DEFB131A: variants seen among roughly 807,000 people sequenced by gnomAD.
DEFB131A encodes the protein defensin beta 131A, also known as beta-defensin 131A.
DEFB131A carries 5 observed loss-of-function variants against 2.4 expected under a neutral mutation model. The observed-to-expected ratio is 2.12, with a 90% confidence interval of 1.11 to 4.47. The LOEUF (loss-of-function observed/expected upper bound fraction) is 4.47, where lower values mean the gene tolerates loss of function less well. Ranked by LOEUF, DEFB131A falls within the 30% of genes most tolerant of loss-of-function variation. DEFB131A has a pLI of 0.00. For synonymous variants in DEFB131A, 34 were observed against 25.7 expected, an observed-to-expected ratio of 1.32 and a Z score of -0.97; for missense variants, 120 against 79.9, an observed-to-expected ratio of 1.50 and a Z score of -1.91.
At chr4:9,447,443 T>C (rs1487036302) in intron 1 of DEFB131A, among the ~76,000 whole-genome samples, 1 of 152,170 alleles carries the variant, frequency 6.6e-6, no homozygotes, top group East Asian at 1.9e-4. Flanking sequence ...ATAGGGTTAT[T>C]ATAATAAAGT....
At chr4:9,449,874 A>T (rs1159332046) in intron 1 of DEFB131A, among the ~76,000 whole-genome samples, 3 of 152,132 alleles carry the variant, frequency 2.0e-5, no homozygotes, top group Admixed American at 2.0e-4. Context: ...AAAACAGAGA[A>T]GCAACCAAAG....
chr4:9,448,868 G>A (rs1338272196), intron 1 of DEFB131A, among the ~76,000 whole-genome samples: 2 of 152,044 alleles, frequency 1.3e-5, no homozygotes, highest in East Asian at 1.9e-4. Flanking sequence ...GAAATAAATG[G>A]CATCCAAACA....
At chr4:9,445,055 G>A (rs1348337105) in intron 1 of DEFB131A, among the ~76,000 whole-genome samples, 1 of 152,058 alleles carries the variant, frequency 6.6e-6, no homozygotes, top group African/African-American at 2.4e-5. Context: ...ACACCAGCCT[G>A]GGCAACAGAG....
At chr4:9,446,012 C>A (rs1353440819) in intron 1 of DEFB131A, among the ~76,000 whole-genome samples, 5 of 152,024 alleles carry the variant, frequency 3.3e-5, no homozygotes, top group African/African-American at 1.2e-4. Context: ...TTCCTTCATT[C>A]AGTGGTCATC....
At position 9,444,603 on chromosome 4, in the gene DEFB131A, A is replaced by C. The variant is rs1315267972; in HGVS notation, c.58+12A>C. On this transcript the variant is annotated intron_variant, in intron 1 of 1. Coordinates refer to ENST00000334879, the MANE Select transcript of DEFB131A (RefSeq NM_001040448.3). ...CACAGTTCCTCCAGGTAAGACAGAA[A>C]CTTTTTTATTCCAAAGTTCTAAAAA... The C allele has an allele frequency of 3.7e-6, 6 of 1,604,270 alleles. No homozygotes were observed. The highest frequency in any genetic ancestry group is 5.1e-6 in the Non-Finnish European group (6 of 1,177,376).
rs114819981 is a variant in DEFB131A, at chr4:9,446,392, A to G, written c.58+1801A>G. Among the ~76,000 whole-genome samples, 1,013 of 152,228 alleles carry G rather than the reference A, an allele frequency of 6.7e-3. 16 individuals are homozygous for G. Among genetic ancestry groups the G allele is most frequent in the African/African-American group, 0.023 (958 of 41,562 alleles). ...TGGATTATTTAGCATATGGTTGTTT[A>G]TAACAGACTAATGATCCATTGTATT... On this transcript the variant is annotated intron_variant, in intron 1 of 1. Transcript: ENST00000334879.
intron 1 of DEFB131A, among the ~76,000 whole-genome samples, chr4:9,448,385 G>T (rs1270647483): frequency 6.6e-6 from 1 of 151,848 alleles, no homozygotes; most frequent in African/African-American, 2.4e-5. Flanking sequence ...GTCTCACTTT[G>T]TCACCCAGGC....
intron 1 of DEFB131A, among the ~76,000 whole-genome samples, chr4:9,447,018 C>T (rs13104015): frequency 0.63 from 96,194 of 151,630 alleles, 32,230 homozygotes; most frequent in Non-Finnish European, 0.77. Context: ...ATGGTCCAGC[C>T]TGGAGAATGT....
rs1202995250 is a variant in DEFB131A, at chr4:9,450,418, G to C, written c.117G>C (p.Lys39Asn). The part of the protein sequence containing the change: ...CPSEYYHCRL[K>N]CNADEHAIRY... ...CAGAATATTATCATTGCAGACTGAA[G>C]TGCAATGCTGATGAACATGCAATTA... Residue 39 changes from lysine (K) to asparagine (N), a missense_variant, in exon 2 of 2, where the codon AAG becomes AAC. Lys to Asn is a moderately conservative substitution (Grantham distance 94). Coordinates refer to ENST00000334879, the MANE Select transcript of DEFB131A (RefSeq NM_001040448.3). The C allele has an allele frequency of 1.2e-6, 2 of 1,608,954 alleles. No homozygotes were observed. Among genetic ancestry groups the C allele is most frequent in the East Asian group, 4.5e-5 (2 of 44,808 alleles).
chr4:9,445,148 A>G (rs6857540), intron 1 of DEFB131A, among the ~76,000 whole-genome samples: 108,934 of 151,802 alleles, frequency 0.72, 39,210 homozygotes, highest in Non-Finnish European at 0.77. Flanking sequence ...GTGAGAGGAT[A>G]CACACAGAAC....
chr4:9,447,989 T>C (rs1284409541), intron 1 of DEFB131A, among the ~76,000 whole-genome samples: 1 of 151,984 alleles, frequency 6.6e-6, no homozygotes, highest in Non-Finnish European at 1.5e-5. Flanking sequence ...TGTAATGAAA[T>C]ATCAGGAGGA....
intron 1 of DEFB131A, among the ~76,000 whole-genome samples, chr4:9,445,315 G>C (rs936835291): frequency 6.6e-6 from 1 of 151,886 alleles, no homozygotes; most frequent in Non-Finnish European, 1.5e-5. Context: ...CTTTAAAGTT[G>C]AATAAAACTC....
Position 9,444,421 on chromosome 4 carries a change from C to T in DEFB131A, c.-113C>T. On this transcript the variant is annotated 5_prime_UTR_variant, in exon 1 of 2. Coordinates refer to ENST00000334879, the MANE Select transcript of DEFB131A (RefSeq NM_001040448.3). ...TTGAAACACAGAAATGTTCTTGCTC[C>T]TGAAAGGTTCAATAATCACTCAACA... 1 of 1,187,386 alleles carries T rather than the reference C, an allele frequency of 8.4e-7. No homozygotes were observed. The highest frequency in any genetic ancestry group is 2.4e-5 in the East Asian group (1 of 42,502). 73.6% of individuals were successfully genotyped at this position (1,187,386 alleles called of 1,614,324 possible). A position where few individuals can be genotyped will look rare whatever the true frequency, so the allele number is the denominator to read the frequency against.
intron 1 of DEFB131A, among the ~76,000 whole-genome samples, chr4:9,446,172 G>T (rs1303338027): frequency 6.6e-6 from 1 of 151,968 alleles, no homozygotes; most frequent in Non-Finnish European, 1.5e-5. Flanking sequence ...ATAAATGATA[G>T]AATCTTGAAA....
chr4:9,445,994 G>A (rs535278070), intron 1 of DEFB131A, among the ~76,000 whole-genome samples: 9 of 152,048 alleles, frequency 5.9e-5, no homozygotes, highest in South Asian at 4.2e-4. Flanking sequence ...GCATAGATTC[G>A]TACTTCATTC....
At chr4:9,445,164 A>G (rs1052200295) in intron 1 of DEFB131A, among the ~76,000 whole-genome samples, 11 of 152,146 alleles carry the variant, frequency 7.2e-5, no homozygotes, top group Admixed American at 7.2e-4. Context: ...AGAACACAGG[A>G]AATTTAAAGA....
chr4:9,445,087 A>G (rs552057721), intron 1 of DEFB131A, among the ~76,000 whole-genome samples: 1 of 152,212 alleles, frequency 6.6e-6, no homozygotes, highest in African/African-American at 2.4e-5. Flanking sequence ...CTCAAAAAAT[A>G]ATAATAATAA....
At chr4:9,448,787 T>A (rs1252750748) in intron 1 of DEFB131A, among the ~76,000 whole-genome samples, 3 of 152,130 alleles carry the variant, frequency 2.0e-5, no homozygotes, top group African/African-American at 7.2e-5. Flanking sequence ...ACAAGGCAAA[T>A]GTGCCCCTTC....
chr4:9,449,924 A>C (rs2108838653), intron 1 of DEFB131A, among the ~76,000 whole-genome samples: 1 of 152,296 alleles, frequency 6.6e-6, no homozygotes, highest in African/African-American at 2.4e-5. Context: ...CTCTTCATAT[A>C]GTTTTATATT....
Sources: gnomAD v4.1 joint callset for allele counts (sites outside exome capture counted in the v4.1 genomes callset) on GRCh38, gnomAD v4.1.1 for gene constraint, MANE v1.5 for transcripts, NCBI Gene and HGNC (gene_info 2026-07-23, HGNC 2026-07-21) for gene names.